RAB11B: variants seen among roughly 807,000 people sequenced by gnomAD.
RAB11B encodes RAB11B, member RAS oncogene family.
Under a neutral mutation model 23.7 loss-of-function variants are expected in RAB11B, and 7 were observed. The observed-to-expected ratio is 0.29, with a 90% CI of 0.17 to 0.55. The LOEUF is 0.55. Among genes scored for constraint, RAB11B ranks in the 20% least tolerant of loss-of-function variants. The pLI, the probability that RAB11B is intolerant of heterozygous loss-of-function variation, is 0.93. For missense variants in RAB11B, 189 were observed against 320.0 expected (o/e 0.59, Z 3.12); for synonymous variants, 138 against 132.0 (o/e 1.05, Z -0.31).
rs1971458495 is a variant in RAB11B at position 8,403,881 on chromosome 19, T to C, written c.*323T>C. 3.9e-6 allele frequency: 1 copy of C among 254,782 alleles called. No individual in the cohort carries two copies. 15.8% of individuals were successfully genotyped at this position (254,782 alleles called of 1,614,324 possible). On this transcript the variant is annotated 3_prime_UTR_variant, in exon 5 of 5. Coordinates refer to ENST00000328024, the MANE Select transcript of RAB11B (RefSeq NM_004218.4). ...CGGCGCCGCCTTCTCCCCTTTTCCT[T>C]GGCCGACTCTAGGGAGCGATTGCCT...
chr19:8,394,322 T>C (rs925201468), intron 1 of RAB11B, among the ~76,000 whole-genome samples: 2 of 152,144 alleles, frequency 1.3e-5, no homozygotes, highest in African/African-American at 4.8e-5. Context: ...TGCCCACCTA[T>C]TTTTTGTATT....
chr19:8,394,844 C>A (rs1971384271), intron 1 of RAB11B, among the ~76,000 whole-genome samples: 1 of 152,220 alleles, frequency 6.6e-6, no homozygotes, highest in Non-Finnish European at 1.5e-5. Flanking sequence ...GCAGGAGGAT[C>A]TCTTGAACTC....
chr19:8,393,240 G>C (rs929153041), intron 1 of RAB11B, among the ~76,000 whole-genome samples: 2 of 152,202 alleles, frequency 1.3e-5, no homozygotes, highest in Admixed American at 1.3e-4. Flanking sequence ...TGGGACCCCA[G>C]ATTTCTTTTC....
chr19:8,403,516 C>T lies in RAB11B; in HGVS notation c.615C>T (p.Asp205=), dbSNP rs372036559. 29 of 1,613,802 alleles carry T rather than the reference C, an allele frequency of 1.8e-5. No homozygotes were observed. The Admixed American group carries it at 2.0e-4, about 11-fold the overall frequency. ...ACATCAGCGTGCCGCCCACCACGGA[C>T]GGACAGAAGCCCAACAAGCTGCAGT... ...VVDISVPPTT[D]GQKPNKLQCC... Residue 205 remains aspartate, a synonymous_variant, in exon 5 of 5, where the codon GAC becomes GAT. Transcript: ENST00000328024.
intron 1 of RAB11B, among the ~76,000 whole-genome samples, chr19:8,393,169 ATCC>A (rs1434129943): frequency 2.0e-5 from 3 of 152,088 alleles, no homozygotes; most frequent in Non-Finnish European, 4.4e-5. Context: ...CCTCACATTT[ATCC>A]TCCTAACATT....
rs1971399666 is a variant in RAB11B at position 8,396,717 on chromosome 19, G to C, written c.41-3146G>C. ...GCTGGAGCAGAGTGAGCCGGGGGGG[G>C]GGCGGGAGGGAGGAGGGGAGGGCCC... On this transcript the variant is annotated intron_variant, in intron 1 of 4. Coordinates refer to ENST00000328024, the MANE Select transcript of RAB11B (RefSeq NM_004218.4). The surrounding 1 kb of genome is among the most constrained non-coding windows in gnomAD (Gnocchi z 5.0). Among the ~76,000 whole-genome samples the C allele has an allele frequency of 1.4e-5, 2 of 143,692 alleles. No homozygotes were observed. The highest frequency in any genetic ancestry group is 2.5e-4 in the South Asian group (1 of 4,076). 94.3% of individuals were successfully genotyped at this position (143,692 alleles called of 152,430 possible).
At chr19:8,390,586 C>A in intron 1 of RAB11B, 130 bp downstream of exon 1, 1 of 1,015,764 alleles carries the variant, frequency 9.8e-7, no homozygotes, top group Non-Finnish European at 1.3e-6. Flanking sequence ...GTCAGGCAGC[C>A]GGGAAGGCCG....
intron 4 of RAB11B, 82 bp from the exon 5 acceptor site, chr19:8,403,331 T>C (rs1238878583): frequency 3.8e-5 from 58 of 1,533,418 alleles, no homozygotes; most frequent in Non-Finnish European, 2.7e-6. Context: ...AGAGGGCCTC[T>C]GGAGTCCTGC....
At chr19:8,395,117 T>G (rs1971386466) in intron 1 of RAB11B, among the ~76,000 whole-genome samples, 1 of 151,940 alleles carries the variant, frequency 6.6e-6, no homozygotes, top group Non-Finnish European at 1.5e-5. Flanking sequence ...GTAGCTGCCG[T>G]GGAAAGGAGG....
Position 8,390,595 on chromosome 19 carries a change from C to T in RAB11B, c.40+139C>T, listed in dbSNP as rs1599683153. 5.7e-6 allele frequency: 5 copies of T among 881,486 alleles called. No homozygotes were observed. The East Asian group carries it at 1.8e-4, about 31-fold the overall frequency. The allele number at this position is 881,486 out of a possible 1,614,324, so 54.6% of individuals were successfully genotyped here. ...CGGCGGGTCAGGCAGCCGGGAAGGC[C>T]GGAGCCGACCGGGCAGCATCAGCTT... On this transcript the variant is annotated intron_variant, in intron 1 of 4. Coordinates refer to ENST00000328024, the MANE Select transcript of RAB11B (RefSeq NM_004218.4).
chr19:8,398,345 T>G (rs1201669245), intron 1 of RAB11B, among the ~76,000 whole-genome samples: 1 of 152,226 alleles, frequency 6.6e-6, no homozygotes, highest in African/African-American at 2.4e-5. Context: ...GACTCCTTTC[T>G]GGGCCAGGGT....
intron 1 of RAB11B, among the ~76,000 whole-genome samples, chr19:8,397,664 C>T (rs1971407118): frequency 6.6e-6 from 1 of 152,030 alleles, no homozygotes; most frequent in African/African-American, 2.4e-5. Flanking sequence ...GGGAAAATTC[C>T]AAACGTGTAG....
chr19:8,393,771 TG>T (rs1971376256), intron 1 of RAB11B, among the ~76,000 whole-genome samples: 3 of 152,130 alleles, frequency 2.0e-5, no homozygotes, highest in African/African-American at 7.2e-5. Context: ...TCTGCCGGAA[TG>T]GGGGCACCAT....
chr19:8,399,687 C>T (rs1018359931), intron 1 of RAB11B, among the ~76,000 whole-genome samples, 176 bp from the exon 2 acceptor site: 15 of 152,226 alleles, frequency 9.9e-5, no homozygotes, highest in Admixed American at 7.9e-4. Flanking sequence ...AGGAGCCTGC[C>T]TTCACTTCTG....
intron 1 of RAB11B, among the ~76,000 whole-genome samples, chr19:8,392,981 T>A (rs1663791491): frequency 7.2e-6 from 1 of 138,038 alleles, no homozygotes; most frequent in African/African-American, 2.7e-5. Context: ...CCACCGTGCC[T>A]GGCCTCTGCA....
chr19:8,390,681 C>A, intron 1 of RAB11B: 1 of 423,522 alleles, frequency 2.4e-6, no homozygotes, highest in Non-Finnish European at 4.0e-6. Flanking sequence ...GGACCTAGGA[C>A]GCGCCGGGGC....
chr19:8,401,731 A>G lies in RAB11B; in HGVS notation c.237-355A>G, dbSNP rs1971439242. On this transcript the variant is annotated intron_variant, in intron 2 of 4. Coordinates refer to ENST00000328024, the MANE Select transcript of RAB11B (RefSeq NM_004218.4). Reference sequence around the variant, plus strand: ...GAGATGGGGTATCGCCATGTTGCCCAGGCTGGTCTGAAACTCCCAGCCTCA... The same window carrying G: ...GAGATGGGGTATCGCCATGTTGCCCGGGCTGGTCTGAAACTCCCAGCCTCA... 2.0e-5 allele frequency among the ~76,000 whole-genome samples: 3 copies of G among 151,028 alleles called. No homozygotes were observed. In the South Asian group the frequency reaches 6.3e-4, roughly 32 times the overall value.
chr19:8,402,528 C>T lies in RAB11B; in HGVS notation c.474C>T (p.Ser158=). The change falls in exon 4 of 5, where the codon TCC becomes TCT. Residue 158 remains serine (S), a synonymous_variant. Coordinates refer to ENST00000328024, the MANE Select transcript of RAB11B (RefSeq NM_004218.4). The stretch of plus-strand genomic sequence containing the variant: ...TCATCGAGACCTCAGCCTTGGATTC[C>T]ACTAACGTAGAGGAAGCATTCAAGA... The part of the protein sequence containing the change: ...LSFIETSALD[S]TNVEEAFKNI... 2 of 1,614,014 alleles carry T rather than the reference C, an allele frequency of 1.2e-6. No homozygotes were observed. Among genetic ancestry groups the T allele is most frequent in the East Asian group, 2.2e-5 (1 of 44,882 alleles).
intron 2 of RAB11B, chr19:8,400,393 C>T (rs1971427987): frequency 5.7e-6 from 2 of 353,768 alleles, no homozygotes; most frequent in Admixed American, 4.0e-5. Flanking sequence ...CCTGGTCCCA[C>T]ACGCCTCCTG....
Sources: allele counts gnomAD v4.1 joint callset (sites outside exome capture counted in the v4.1 genomes callset), GRCh38; gene constraint gnomAD v4.1.1; non-coding constraint Gnocchi (gnomAD v3.1); transcripts MANE v1.5; gene names NCBI Gene and HGNC (gene_info 2026-07-23, HGNC 2026-07-21).